The following PRRG2 variants were observed in gnomAD, a reference collection of about 807,000 sequenced individuals.
PRRG2 encodes proline rich and Gla domain 2.
Under a neutral mutation model 27.1 loss-of-function variants are expected in PRRG2, and 23 were observed. That is an observed-to-expected ratio of 0.85 (90% CI 0.61 to 1.20). The LOEUF (loss-of-function observed/expected upper bound fraction) is 1.20, where lower values mean the gene tolerates loss of function less well. Ranked by LOEUF, PRRG2 falls within the 50% of genes most tolerant of loss-of-function variation. PRRG2 has a pLI of 0.00. For missense variants in PRRG2, 276 were observed against 254.8 expected, an observed-to-expected ratio of 1.08 and a Z score of -0.57; for synonymous variants, 104 against 103.4, an observed-to-expected ratio of 1.01 and a Z score of -0.03.
rs368194622 is a variant in PRRG2 at position 49,583,612 on chromosome 19, C to T, written c.156C>T (p.His52=). The T allele has an allele frequency of 1.9e-6, 3 of 1,614,254 alleles. No homozygotes were observed. The highest frequency in any genetic ancestry group is 2.7e-5 in the African/African-American group (2 of 75,066). The change falls in exon 3 of 7, where the codon CAC becomes CAT. Residue 52 remains histidine, a synonymous_variant. Coordinates refer to ENST00000246794, the MANE Select transcript of PRRG2 (RefSeq NM_000951.3). ...ATACCCGGATTCCAAGAGCCAACCA[C>T]TGGGACCTGGAGCTGCTCACACCAG... ...SSHTRIPRAN[H]WDLELLTPGN...
At chr19:49,589,534 A>G (rs984118294) in intron 5 of PRRG2, among the ~76,000 whole-genome samples, 3 of 151,336 alleles carry the variant, frequency 2.0e-5, no homozygotes, top group Non-Finnish European at 2.9e-5. Flanking sequence ...CCTGGGCTCA[A>G]GAAATCCTCC....
chr19:49,590,196 A>C (rs1568418757), intron 6 of PRRG2, 144 bp downstream of exon 6: 2 of 1,384,822 alleles, frequency 1.4e-6, no homozygotes, highest in Admixed American at 2.2e-5. Context: ...GCCCCATGCA[A>C]TGGTCTAGGG....
Position 49,583,269 on chromosome 19 carries a change from G to A in PRRG2, c.50G>A (p.Cys17Tyr). 1 of 1,614,190 alleles carries A rather than the reference G, an allele frequency of 6.2e-7. No individual in the cohort carries two copies. The highest frequency in any genetic ancestry group is 8.5e-7 in the Non-Finnish European group (1 of 1,180,030). ...LLLLYMALTT[C>Y]LDTSPSEETD... ...CTGCTATATATGGCATTAACCACCTGCCTGGATACTTCACCCAGTGAGGAG... is the reference window on the plus strand; with the variant it reads ...CTGCTATATATGGCATTAACCACCTACCTGGATACTTCACCCAGTGAGGAG... Residue 17 changes from cysteine (C) to tyrosine (Y), a missense_variant, in exon 2 of 7, where the codon TGC becomes TAC. Physicochemically the swap from Cys to Tyr is radical, Grantham distance 194. Transcript: ENST00000246794.
chr19:49,590,314 A>C, intron 6 of PRRG2, 57 bp from the exon 7 acceptor site: 1 of 1,611,332 alleles, frequency 6.2e-7, no homozygotes, highest in South Asian at 1.1e-5. Context: ...GTCCTGGTTG[A>C]AGGGGGGAGA....
chr19:49,590,040 C>G lies in PRRG2; in HGVS notation c.578C>G (p.Pro193Arg), dbSNP rs1347065737. The change falls in exon 6 of 7, where the codon CCC becomes CGC. Residue 193 changes from proline to arginine, a missense_variant. Transcript: ENST00000246794. The part of the protein sequence containing the change: ...AASGVHDAPP[P>R]PYTSLRRPH ...TCTGGGGTACACGACGCACCTCCAC[C>G]CCCCTACACCAGGTATGGGGCGTGG... is the stretch of plus-strand genomic sequence containing the variant. 3 of 1,521,972 alleles carry G rather than the reference C, an allele frequency of 2.0e-6. No individual in the cohort carries two copies. The highest frequency in any genetic ancestry group is 2.6e-6 in the Non-Finnish European group (3 of 1,140,308). 94.3% of individuals were successfully genotyped at this position (1,521,972 alleles called of 1,614,324 possible).
At chr19:49,582,011 G>A (rs188103413) in intron 1 of PRRG2, among the ~76,000 whole-genome samples, 559 of 151,700 alleles carry the variant, frequency 3.7e-3, no homozygotes, top group Non-Finnish European at 6.6e-3. Flanking sequence ...AGGCCGAGGC[G>A]GGTGGATCAC....
rs2080620841 is a variant in PRRG2, at chr19:49,581,320, C to T, written c.-175C>T. On this transcript the variant is annotated 5_prime_UTR_variant, in exon 1 of 7. Coordinates refer to ENST00000246794, the MANE Select transcript of PRRG2 (RefSeq NM_000951.3). ...CGCCCAGGGCAGGTAATGGCAAGTT[C>T]CGCCCACCTGCCAGAAACGGGGATC... The T allele has an allele frequency of 6.6e-6, 1 of 152,260 alleles. No homozygotes were observed. The highest frequency in any genetic ancestry group is 6.5e-5 in the Admixed American group (1 of 15,272). The allele number at this position is 152,260 out of a possible 1,614,324, so 9.4% of individuals were successfully genotyped here. A position where few individuals can be genotyped will look rare whatever the true frequency, so the allele number is the denominator to read the frequency against.
intron 5 of PRRG2, among the ~76,000 whole-genome samples, chr19:49,589,335 A>C (rs1045248674): frequency 6.6e-6 from 1 of 151,232 alleles, no homozygotes; most frequent in Non-Finnish European, 1.5e-5. Context: ...TATGTTGGTC[A>C]GGCTGGTTTC....
intron 1 of PRRG2, among the ~76,000 whole-genome samples, chr19:49,582,499 G>A (rs938175388): frequency 6.6e-6 from 1 of 151,880 alleles, no homozygotes; most frequent in African/African-American, 2.4e-5. Context: ...AGTGGCTCAC[G>A]CCTGTAATCC....
At chr19:49,582,793 G>A (rs182506477) in intron 1 of PRRG2, among the ~76,000 whole-genome samples, 1 of 152,062 alleles carries the variant, frequency 6.6e-6, no homozygotes. Context: ...GCATGAACCT[G>A]GGGGGTGGAG....
chr19:49,590,331 G>A lies in PRRG2; in HGVS notation c.591-40G>A, dbSNP rs377673884. The A allele has an allele frequency of 8.7e-6, 14 of 1,613,960 alleles. No individual in the cohort carries two copies. The African/African-American group carries it at 1.6e-4, about 18-fold the overall frequency. ...CCTGGTTGAAGGGGGGAGAAAAACA[G>A]CCAGATCTTTGACTCCCTAGTGTGC... is the stretch of plus-strand genomic sequence containing the variant. On this transcript the variant is annotated intron_variant, in intron 6 of 6. Coordinates refer to ENST00000246794, the MANE Select transcript of PRRG2 (RefSeq NM_000951.3).
rs910309997 is a variant in PRRG2, at chr19:49,590,304, G to C, written c.591-67G>C. On this transcript the variant is annotated intron_variant, in intron 6 of 6. Transcript: ENST00000246794. Reference sequence around the variant, plus strand: ...TGAGACGCCAAGGGCGGTCGGAGTGGTCCTGGTTGAAGGGGGGAGAAAAAC... The same window carrying C: ...TGAGACGCCAAGGGCGGTCGGAGTGCTCCTGGTTGAAGGGGGGAGAAAAAC... 12 of 1,611,400 alleles carry C rather than the reference G, an allele frequency of 7.4e-6. No homozygotes were observed. The African/African-American group carries it at 1.3e-4, about 18-fold the overall frequency.
intron 4 of PRRG2, among the ~76,000 whole-genome samples, chr19:49,585,189 G>A (rs986201389): frequency 6.6e-5 from 10 of 152,250 alleles, no homozygotes; most frequent in Admixed American, 6.5e-4. Flanking sequence ...TTGCTAAGGA[G>A]GCCTTCTCCC....
intron 4 of PRRG2, among the ~76,000 whole-genome samples, chr19:49,586,652 A>T (rs1298900732): frequency 1.3e-5 from 2 of 152,140 alleles, no homozygotes; most frequent in African/African-American, 4.8e-5. Flanking sequence ...AGAGATCGAG[A>T]TCATCCTGGC....
rs1037897320 is a variant in PRRG2 at position 49,590,027 on chromosome 19, G to C, written c.565G>C (p.Asp189His). Residue 189 changes from aspartate to histidine, a missense_variant, in exon 6 of 7, where the codon GAC (aspartate) becomes CAC (histidine). By Grantham distance (81) the Asp-to-His change is moderately conservative. Transcript: ENST00000246794. Reference sequence around the variant, plus strand: ...GGCGCTGGCAGCCTCTGGGGTACACGACGCACCTCCACCCCCCTACACCAG... The same window carrying C: ...GGCGCTGGCAGCCTCTGGGGTACACCACGCACCTCCACCCCCCTACACCAG... The part of the protein sequence containing the change: ...EQALAASGVH[D>H]APPPPYTSLR... 1 of 1,484,482 alleles carries C rather than the reference G, an allele frequency of 6.7e-7. No individual in the cohort carries two copies. The highest frequency in any genetic ancestry group is 1.4e-5 in the African/African-American group (1 of 71,168). The allele number at this position is 1,484,482 out of a possible 1,614,324, so 92.0% of individuals were successfully genotyped here.
At chr19:49,581,809 C>T (rs184337172) in intron 1 of PRRG2, among the ~76,000 whole-genome samples, 101 of 152,248 alleles carry the variant, frequency 6.6e-4, no homozygotes, top group Non-Finnish European at 1.1e-3. Flanking sequence ...AGATAAGCTG[C>T]CTGCTCCTTG....
At chr19:49,589,582 C>T (rs969638775) in intron 5 of PRRG2, among the ~76,000 whole-genome samples, 2 of 151,656 alleles carry the variant, frequency 1.3e-5, no homozygotes, top group African/African-American at 2.4e-5. Context: ...TACAGGTGTG[C>T]GCCATGCACC....
chr19:49,583,125 G>T, intron 1 of PRRG2, 82 bp from the exon 2 acceptor site: 1 of 1,125,988 alleles, frequency 8.9e-7, no homozygotes, highest in South Asian at 1.4e-5. Context: ...GCCATTCGTG[G>T]ACCACAGAGG....
At position 49,590,472 on chromosome 19, in the gene PRRG2, C is replaced by A; in HGVS notation, c.*83C>A. The A allele has an allele frequency of 6.3e-7, 1 of 1,578,770 alleles. No individual in the cohort carries two copies. Among genetic ancestry groups the A allele is most frequent in the Non-Finnish European group, 8.7e-7 (1 of 1,151,648 alleles). On this transcript the variant is annotated 3_prime_UTR_variant, in exon 7 of 7. Coordinates refer to ENST00000246794, the MANE Select transcript of PRRG2 (RefSeq NM_000951.3). ...GGAAGCCGCTAGGCCTCATAGACGC[C>A]GAAGCTGGACTTGGAGTGGGGAATG...
Sources: gnomAD v4.1 joint callset for allele counts (sites outside exome capture counted in the v4.1 genomes callset) on GRCh38, gnomAD v4.1.1 for gene constraint, MANE v1.5 for transcripts, NCBI Gene and HGNC (gene_info 2026-07-23, HGNC 2026-07-21) for gene names.